Variants in SPTB observed in about 807,000 individuals in gnomAD.
SPTB encodes the protein spectrin beta chain, erythrocytic.
In SPTB, 45 loss-of-function variants were observed where a neutral mutation model predicts 256.2. The observed-to-expected ratio is 0.18, with a 90% CI of 0.14 to 0.23. The LOEUF is 0.23. Ranked by LOEUF, SPTB falls within the 10% of genes least tolerant of loss-of-function variation. SPTB has a pLI of 1.00. For synonymous variants in SPTB, 1,231 were observed against 1,243.1 expected (o/e 0.99, Z 0.21); for missense variants, 2,715 against 3,040.4 (o/e 0.89, Z 2.52).
At position 64,774,450 on chromosome 14, in the gene SPTB, G is replaced by A; in HGVS notation, c.4920C>T (p.Ile1640=). ...CCTGGGCCCGGCTGGCCAGCTGCTT[G>A]ATGTTCCGGCCGTAGTCCTCCACCG... is the stretch of plus-strand genomic sequence containing the variant. ...QRAVEDYGRN[I]KQLASRAQGL... Residue 1640 remains isoleucine (I), a synonymous_variant, in exon 24 of 36, where the codon ATC becomes ATT. Coordinates refer to ENST00000644917, the MANE Select transcript of SPTB (RefSeq NM_001355436.2). 6.4e-7 allele frequency: 1 copy of A among 1,569,730 alleles called. No individual in the cohort carries two copies. Among genetic ancestry groups the A allele is most frequent in the South Asian group, 1.2e-5 (1 of 85,560 alleles).
At chr14:64,855,019 G>A (rs17767870) in intron 1 of SPTB, among the ~76,000 whole-genome samples, 7,964 of 152,134 alleles carry the variant, frequency 0.052, 280 homozygotes, top group Middle Eastern at 0.089. Flanking sequence ...CTTAATTTAC[G>A]GCAACTCGCC....
At chr14:64,832,994 T>A (rs969279270) in intron 1 of SPTB, among the ~76,000 whole-genome samples, 5 of 152,200 alleles carry the variant, frequency 3.3e-5, no homozygotes, top group African/African-American at 7.2e-5. Flanking sequence ...CTCTTCTCTA[T>A]CTCAGAAGGA....
intron 19 of SPTB, among the ~76,000 whole-genome samples, chr14:64,783,258 T>TAGTGGC (rs2139550299): frequency 6.6e-6 from 1 of 152,186 alleles, no homozygotes; most frequent in South Asian, 2.1e-4. Flanking sequence ...AGCTGGAATG[T>TAGTGGC]AGTGGCACAA....
intron 32 of SPTB, among the ~76,000 whole-genome samples, chr14:64,765,740 A>G (rs2139469407): frequency 6.6e-6 from 1 of 151,874 alleles, no homozygotes; most frequent in African/African-American, 2.4e-5. Flanking sequence ...AAGGATGGGC[A>G]CCCCCACTTC....
In SPTB at chr14:64,769,055, G is replaced by A. The variant is rs376489437; in HGVS notation, c.6001C>T (p.Arg2001Cys). The change falls in exon 29 of 36, where the codon CGC (arginine) becomes TGC (cysteine). Residue 2001 changes from arginine to cysteine, a missense_variant. By Grantham distance (180) the Arg-to-Cys change is radical (BLOSUM62 -3). This residue lies in a region of SPTB where 2,239 missense variants were observed against 2,384.4 expected (regional missense o/e 0.94). Transcript: ENST00000644917. ...RKEMNEKWEA[R>C]WERLRMLLEV... ...TCACACATGCGGAGCCGCTCCCAGC[G>A]GGCTTCCCACTTCTCATTCATCTCT... is the stretch of plus-strand genomic sequence containing the variant. 1.2e-5 allele frequency: 20 copies of A among 1,613,382 alleles called. No individual in the cohort carries two copies. The highest frequency in any genetic ancestry group is 1.4e-5 in the Non-Finnish European group (17 of 1,179,986).
Position 64,795,577 on chromosome 14 carries a change from C to T in SPTB, c.1404G>A (p.Glu468=). The T allele has an allele frequency of 1.2e-6, 2 of 1,614,174 alleles. No individual in the cohort carries two copies. The highest frequency in any genetic ancestry group is 1.7e-6 in the Non-Finnish European group (2 of 1,180,044). Residue 468 remains glutamate (E), a synonymous_variant, in exon 12 of 36, where the codon GAG becomes GAA. Transcript: ENST00000644917. This position sits in a 1 kb window ranked among gnomAD's most constrained non-coding sequence, Gnocchi z 6.5. ...GCTCCTCGTAGGCAGCCGTGTCGGTCTCGATGGCCTCATGCTTCTTCTTGG... is the reference window on the plus strand; with the variant it reads ...GCTCCTCGTAGGCAGCCGTGTCGGTTTCGATGGCCTCATGCTTCTTCTTGG... ...EAAKKKHEAI[E]TDTAAYEERV... is the part of the protein sequence containing the mutation.
chr14:64,791,387 G>A (rs576056404), intron 15 of SPTB, among the ~76,000 whole-genome samples: 1 of 152,134 alleles, frequency 6.6e-6, no homozygotes, highest in Admixed American at 6.5e-5. Flanking sequence ...CCAACGTGGT[G>A]AAACCACATC....
In SPTB at chr14:64,845,201, T is replaced by C. The variant is rs2083670483; in HGVS notation, c.-51-22056A>G. ...CTCTTTTATGCCCTACACAGTTTGC[T>C]ACACCCACTGCATGTGGACATCCTT... On this transcript the variant is annotated intron_variant, in intron 1 of 35. Transcript: ENST00000644917. The surrounding 1 kb of genome is among the most constrained non-coding windows in gnomAD (Gnocchi z 4.8). 6.6e-6 allele frequency among the ~76,000 whole-genome samples: 1 copy of C among 152,236 alleles called. No individual in the cohort carries two copies. The highest frequency in any genetic ancestry group is 2.4e-5 in the African/African-American group (1 of 41,462).
At chr14:64,849,536 C>T (rs1370033882) in intron 1 of SPTB, among the ~76,000 whole-genome samples, 1 of 152,180 alleles carries the variant, frequency 6.6e-6, no homozygotes. Flanking sequence ...TAACTCAACT[C>T]AGACAAAACA....
At position 64,749,741 on chromosome 14, in the gene SPTB, G is replaced by T; in HGVS notation, c.6777-45C>A. 1.9e-6 allele frequency: 3 copies of T among 1,605,368 alleles called. No homozygotes were observed. The highest frequency in any genetic ancestry group is 1.7e-6 in the Non-Finnish European group (2 of 1,175,670). On this transcript the variant is annotated intron_variant, in intron 34 of 35. Transcript: ENST00000644917. The surrounding 1 kb of genome is among the most constrained non-coding windows in gnomAD (Gnocchi z 4.7). ...CCTGTCATGGAGACACCTCTGGAGG[G>T]GGCGCTGGGCAGAGGGCTGGCTCTG...
chr14:64,870,905 A>G (rs528719516), intron 1 of SPTB, among the ~76,000 whole-genome samples: 3 of 152,254 alleles, frequency 2.0e-5, no homozygotes, highest in Non-Finnish European at 2.9e-5. Context: ...AGATGGAGGG[A>G]GAGGGAATGG....
At chr14:64,831,330 C>G (rs2083448166) in intron 1 of SPTB, among the ~76,000 whole-genome samples, 1 of 152,256 alleles carries the variant, frequency 6.6e-6, no homozygotes, top group Non-Finnish European at 1.5e-5. Flanking sequence ...CTATCTTCAG[C>G]AAAACTCCTT....
rs545239592 is a variant in SPTB, at chr14:64,775,389, C to T, written c.4578G>A (p.Glu1526=). Residue 1526 remains glutamate (E), a synonymous_variant, in exon 23 of 36, where the codon GAG becomes GAA. Coordinates refer to ENST00000644917, the MANE Select transcript of SPTB (RefSeq NM_001355436.2). The surrounding 1 kb of genome is among the most constrained non-coding windows in gnomAD (Gnocchi z 5.0). ...CAACCCGCGGCGTATGGCCCAGAAT[C>T]TCATTCTGCAGTGTCTGCGGCCAGA... ...FMKKNQTLQN[E]ILGHTPRVED... The T allele has an allele frequency of 6.2e-7, 1 of 1,612,322 alleles. No homozygotes were observed. The highest frequency in any genetic ancestry group is 1.3e-5 in the African/African-American group (1 of 75,044).
At chr14:64,761,602 G>A (rs1490006951) in intron 32 of SPTB, among the ~76,000 whole-genome samples, 2 of 152,194 alleles carry the variant, frequency 1.3e-5, no homozygotes. Flanking sequence ...AAGGGCACCT[G>A]GTAAAGTGAA....
Position 64,796,831 on chromosome 14 carries a change from C to T in SPTB, c.1183-116G>A. ...TCTGGAATCAAGGTACAGCCTGATG[C>T]TCTTGGGTGACGTGGTAGCAGATTA... On this transcript the variant is annotated intron_variant, in intron 10 of 35. Coordinates refer to ENST00000644917, the MANE Select transcript of SPTB (RefSeq NM_001355436.2). This position sits in a 1 kb window ranked among gnomAD's most constrained non-coding sequence, Gnocchi z 4.1. 7.4e-7 allele frequency: 1 copy of T among 1,351,758 alleles called. No individual in the cohort carries two copies. Among genetic ancestry groups the T allele is most frequent in the South Asian group, 1.2e-5 (1 of 83,890 alleles). The allele number at this position is 1,351,758 out of a possible 1,614,324, so 83.7% of individuals were successfully genotyped here.
rs115882528 is a variant in SPTB, at chr14:64,800,825, A to G, written c.807T>C (p.Tyr269=). 444 of 1,614,244 alleles carry G rather than the reference A, an allele frequency of 2.8e-4. 2 individuals carry two copies. The African/African-American group carries it at 5.1e-3, about 18-fold the overall frequency. ...ENPDEKSIIT[Y]VVAFYHYFSK... Reference sequence around the variant, plus strand: ...AGAAGTAGTGGTAAAAGGCCACCACATAGGTGATGATGGATTTCTCATCAG... The same window carrying G: ...AGAAGTAGTGGTAAAAGGCCACCACGTAGGTGATGATGGATTTCTCATCAG... The change falls in exon 8 of 36, where the codon TAT becomes TAC. Residue 269 remains tyrosine, a synonymous_variant. Transcript: ENST00000644917.
At chr14:64,782,685 G>A (rs2082493331) in intron 19 of SPTB, 132 bp from the exon 20 acceptor site, 1 of 1,358,106 alleles carries the variant, frequency 7.4e-7, no homozygotes, top group Non-Finnish European at 1.0e-6. Flanking sequence ...ACATGGGTAA[G>A]ACTCAACTGA....
At chr14:64,773,698 G>A (rs1220372424) in intron 24 of SPTB, among the ~76,000 whole-genome samples, 1 of 152,222 alleles carries the variant, frequency 6.6e-6, no homozygotes, top group Non-Finnish European at 1.5e-5. Flanking sequence ...AGGGACAAGT[G>A]CAAATGGGGA....
Position 64,750,054 on chromosome 14 carries a change from G to C in SPTB, c.6703C>G (p.Pro2235Ala). The C allele has an allele frequency of 2.5e-6, 4 of 1,614,176 alleles. No homozygotes were observed. Among genetic ancestry groups the C allele is most frequent in the Non-Finnish European group, 3.4e-6 (4 of 1,180,026 alleles). ...ALGMPYHGEE[P>A]LALRHAICEI... is the part of the protein sequence containing the mutation. The stretch of plus-strand genomic sequence containing the variant: ...CAGATGGCATGTCTCAGGGCCAGGG[G>C]TTCCTCCCCATGGTAGGGCATCCCC... Residue 2235 changes from proline (P) to alanine (A), a missense_variant, in exon 34 of 36, where the codon CCC becomes GCC. Physicochemically the swap from Pro to Ala is conservative, Grantham distance 27 (BLOSUM62 -1). Transcript: ENST00000644917.
Sources: gnomAD v4.1 joint callset for allele counts (sites outside exome capture counted in the v4.1 genomes callset) on GRCh38, gnomAD v4.1.1 for gene constraint, gnomAD v4.1.1 regional missense constraint, Gnocchi (gnomAD v3.1) non-coding constraint, MANE v1.5 for transcripts, NCBI Gene and HGNC (gene_info 2026-07-23, HGNC 2026-07-21) for gene names.